ZC2HC1A: variants seen among roughly 807,000 people sequenced by gnomAD.
ZC2HC1A encodes zinc finger C2HC-type containing 1A.
A neutral mutation model predicts 40.7 loss-of-function variants in ZC2HC1A; 28 were observed. The ratio of observed to expected loss-of-function variants is 0.69; its 90% confidence interval spans 0.51 to 0.94. The LOEUF (loss-of-function observed/expected upper bound fraction) is 0.94. Among genes scored for constraint, ZC2HC1A ranks in the 40% least tolerant of loss-of-function variants. The pLI is 0.00. For synonymous variants in ZC2HC1A, 129 were observed against 129.2 expected (o/e 1.00, Z 0.01); for missense variants, 389 against 386.3 (o/e 1.01, Z -0.06).
intron 1 of ZC2HC1A, among the ~76,000 whole-genome samples, chr8:78,675,066 T>C (rs1809537219): frequency 6.6e-6 from 1 of 151,680 alleles, no homozygotes; most frequent in Non-Finnish European, 1.5e-5. Flanking sequence ...GTTTCTTTTT[T>C]TGTAGTTTCT....
intron 1 of ZC2HC1A, among the ~76,000 whole-genome samples, chr8:78,669,845 A>G (rs1196639436): frequency 3.9e-5 from 6 of 152,108 alleles, no homozygotes; most frequent in African/African-American, 1.4e-4. Context: ...CTATAAGATC[A>G]GAGTATTTGT....
At chr8:78,700,989 C>T (rs536497050) in intron 7 of ZC2HC1A, among the ~76,000 whole-genome samples, 6 of 152,154 alleles carry the variant, frequency 3.9e-5, no homozygotes, top group Admixed American at 2.6e-4. Context: ...ATTTTTTATT[C>T]TATATTAATG....
At chr8:78,683,209 C>G (rs1809847084) in intron 3 of ZC2HC1A, among the ~76,000 whole-genome samples, 1 of 152,238 alleles carries the variant, frequency 6.6e-6, no homozygotes, top group Non-Finnish European at 1.5e-5. Context: ...TCTCACAGCT[C>G]CACTAGGCAT....
chr8:78,701,181 G>A (rs1586016780), intron 7 of ZC2HC1A, among the ~76,000 whole-genome samples: 1 of 152,084 alleles, frequency 6.6e-6, no homozygotes, highest in South Asian at 2.1e-4. Flanking sequence ...GCATTGGCTT[G>A]TAGTCCTCCT....
intron 4 of ZC2HC1A, 75 bp downstream of exon 4, chr8:78,686,683 G>A: frequency 7.4e-7 from 1 of 1,351,038 alleles, no homozygotes; most frequent in South Asian, 2.3e-5. Context: ...ATTTTCACTT[G>A]TTAAGCTTAA....
rs765908988 is a variant in ZC2HC1A at position 78,697,474 on chromosome 8, C to T, written c.572C>T (p.Pro191Leu). Residue 191 changes from proline to leucine, a missense_variant, in exon 6 of 9, where the codon CCG (proline) becomes CTG (leucine). Coordinates refer to ENST00000263849, the MANE Select transcript of ZC2HC1A (RefSeq NM_016010.3). ...GTASSGSSRL[P>L]QPSGAGKTVV... Reference sequence around the variant, plus strand: ...GCATCATCAGGATCTTCACGATTACCGCAGCCAAGTGGCGCTGGCAAAACT... The same window carrying T: ...GCATCATCAGGATCTTCACGATTACTGCAGCCAAGTGGCGCTGGCAAAACT... 7.5e-6 allele frequency: 12 copies of T among 1,609,222 alleles called. No individual in the cohort carries two copies. Among genetic ancestry groups the T allele is most frequent in the Admixed American group, 6.9e-5 (4 of 58,162 alleles).
chr8:78,697,574 A>T (rs1416648986), intron 6 of ZC2HC1A, 68 bp downstream of exon 6: 5 of 1,165,702 alleles, frequency 4.3e-6, no homozygotes, highest in Non-Finnish European at 6.3e-6. Context: ...AAATAAAGAT[A>T]GTGGTCTATT....
intron 1 of ZC2HC1A, among the ~76,000 whole-genome samples, chr8:78,667,607 C>T (rs11995340): frequency 0.16 from 23,958 of 151,882 alleles, 2,053 homozygotes; most frequent in Middle Eastern, 0.3. Flanking sequence ...ATCCTAGGCA[C>T]CTAAAACAAT....
intron 5 of ZC2HC1A, among the ~76,000 whole-genome samples, chr8:78,692,657 TG>T (rs1810248666): frequency 6.6e-6 from 1 of 152,084 alleles, no homozygotes; most frequent in African/African-American, 2.4e-5. Context: ...GTAATCTTTT[TG>T]TTGTAATTGC....
intron 3 of ZC2HC1A, among the ~76,000 whole-genome samples, chr8:78,682,481 C>T (rs564658696): frequency 6.6e-6 from 1 of 152,100 alleles, no homozygotes; most frequent in Non-Finnish European, 1.5e-5. Flanking sequence ...GGGAACTTCC[C>T]TTTTTAATAA....
At position 78,718,453 on chromosome 8, in the gene ZC2HC1A, G is replaced by A. The variant is rs951939590; in HGVS notation, c.*960G>A. On this transcript the variant is annotated 3_prime_UTR_variant, in exon 9 of 9. Transcript: ENST00000263849. ...ATCACGTCACCTAATCATAATAGTTGTGGTAACTAATCATTAGTGCAGAGC... is the reference window on the plus strand; with the variant it reads ...ATCACGTCACCTAATCATAATAGTTATGGTAACTAATCATTAGTGCAGAGC... The A allele has an allele frequency of 2.0e-5, 3 of 151,784 alleles. No individual in the cohort carries two copies. The highest frequency in any genetic ancestry group is 7.2e-5 in the African/African-American group (3 of 41,398). The allele number at this position is 151,784 out of a possible 1,614,324, so 9.4% of individuals were successfully genotyped here. A position where few individuals can be genotyped will look rare whatever the true frequency, so the allele number is the denominator to read the frequency against.
chr8:78,691,187 A>G lies in ZC2HC1A; in HGVS notation c.504+1814A>G, dbSNP rs1047891402. ...AAAGCATTGTTTTTCACCATTGTGT[A>G]TGATGTTCCATCAATTACTGAGGGA... On this transcript the variant is annotated intron_variant, in intron 5 of 8. Coordinates refer to ENST00000263849, the MANE Select transcript of ZC2HC1A (RefSeq NM_016010.3). 2.6e-4 allele frequency among the ~76,000 whole-genome samples: 40 copies of G among 152,212 alleles called. 1 individual carries two copies. The highest frequency in any genetic ancestry group is 6.5e-4 in the Admixed American group (10 of 15,290).
chr8:78,685,043 A>T (rs1563625003), intron 3 of ZC2HC1A, among the ~76,000 whole-genome samples: 1 of 152,204 alleles, frequency 6.6e-6, no homozygotes, highest in African/African-American at 2.4e-5. Flanking sequence ...AGCTTAATAA[A>T]ATATTAGCCT....
chr8:78,701,210 C>G (rs774879549), intron 7 of ZC2HC1A, among the ~76,000 whole-genome samples: 3 of 152,176 alleles, frequency 2.0e-5, no homozygotes, highest in Non-Finnish European at 4.4e-5. Flanking sequence ...TCTTTCACCT[C>G]CCCAGTTACC....
Position 78,686,601 on chromosome 8 carries a change from T to A in ZC2HC1A, c.345T>A (p.Tyr115Ter). 6.6e-7 allele frequency: 1 copy of A among 1,509,870 alleles called. No individual in the cohort carries two copies. Among genetic ancestry groups the A allele is most frequent in the Non-Finnish European group, 8.8e-7 (1 of 1,130,574 alleles). 93.5% of individuals were successfully genotyped at this position (1,509,870 alleles called of 1,614,324 possible). A position where few individuals can be genotyped will look rare whatever the true frequency, so the allele number is the denominator to read the frequency against. Residue 115 changes from tyrosine (Y) to a stop codon, truncating the protein, a stop_gained, in exon 4 of 9, where the codon TAT becomes TAA. Transcript: ENST00000263849. LOFTEE classifies it high-confidence loss of function. ...GKLPPPPPPS[Y>*]DPDYIQCPYC... ...TTCCTCCTCCTCCTCCACCTTCTTATGATCCTGGTATTTGGAATATTGTTG... is the reference window on the plus strand; with the variant it reads ...TTCCTCCTCCTCCTCCACCTTCTTAAGATCCTGGTATTTGGAATATTGTTG...
chr8:78,670,796 G>GTA (rs1809419296), intron 1 of ZC2HC1A, among the ~76,000 whole-genome samples: 1 of 152,136 alleles, frequency 6.6e-6, no homozygotes, highest in Admixed American at 6.6e-5. Context: ...CTAGAGTGTA[G>GTA]GTGACTAAAA....
At chr8:78,699,236 A>G (rs11779259) in intron 7 of ZC2HC1A, among the ~76,000 whole-genome samples, 7,771 of 152,190 alleles carry the variant, frequency 0.051, 279 homozygotes, top group Middle Eastern at 0.082. Context: ...TTATATTTAC[A>G]TGGCTTTTAA....
At chr8:78,681,331 A>T (rs1163982440) in intron 3 of ZC2HC1A, among the ~76,000 whole-genome samples, 1 of 152,210 alleles carries the variant, frequency 6.6e-6, no homozygotes, top group Non-Finnish European at 1.5e-5. Flanking sequence ...TTGATAAAAG[A>T]TACTATGAGA....
chr8:78,693,702 A>G (rs1316278302), intron 5 of ZC2HC1A, among the ~76,000 whole-genome samples: 1 of 152,116 alleles, frequency 6.6e-6, no homozygotes, highest in East Asian at 1.9e-4. Flanking sequence ...CTCTGATGGT[A>G]GTTTCTTCTG....
Sources: gnomAD v4.1 joint callset for allele counts (sites outside exome capture counted in the v4.1 genomes callset) on GRCh38, gnomAD v4.1.1 for gene constraint, MANE v1.5 for transcripts, NCBI Gene and HGNC (gene_info 2026-07-23, HGNC 2026-07-21) for gene names.